SEMA3A: variants seen among roughly 807,000 people sequenced by gnomAD.
SEMA3A encodes semaphorin-3A.
Under a neutral mutation model 97.9 loss-of-function variants are expected in SEMA3A, and 29 were observed. The ratio of observed to expected loss-of-function variants is 0.30; its 90% CI spans 0.22 to 0.40. The LOEUF (loss-of-function observed/expected upper bound fraction) is 0.40. SEMA3A is among the 10% of genes least tolerant of loss of function. SEMA3A has a pLI of 1.00. For synonymous variants in SEMA3A, 321 were observed against 323.7 expected, an observed-to-expected ratio of 0.99 and a Z score of 0.09; for missense variants, 763 against 951.3, an observed-to-expected ratio of 0.80 and a Z score of 2.60.
At chr7:84,171,674 A>G (rs1008515929) in intron 1 of SEMA3A, among the ~76,000 whole-genome samples, 1 of 152,180 alleles carries the variant, frequency 6.6e-6, no homozygotes, top group Non-Finnish European at 1.5e-5. Context: ...TTCATGTAAG[A>G]TTTGTAAAAC....
intron 1 of SEMA3A, among the ~76,000 whole-genome samples, chr7:84,397,471 T>A (rs892944126): frequency 6.7e-5 from 10 of 148,314 alleles, no homozygotes; most frequent in Non-Finnish European, 1.3e-4. Flanking sequence ...ACATAATATG[T>A]ATTATATATA....
intron 3 of SEMA3A, among the ~76,000 whole-genome samples, chr7:84,279,155 T>C (rs1388476322): frequency 6.6e-6 from 1 of 152,124 alleles, no homozygotes; most frequent in Non-Finnish European, 1.5e-5. Flanking sequence ...AGTTTCAAAG[T>C]ATCTCTCTTC....
At chr7:84,205,398 G>A (rs145040761) in intron 3 of SEMA3A, among the ~76,000 whole-genome samples, 58 of 152,012 alleles carry the variant, frequency 3.8e-4, no homozygotes, top group Middle Eastern at 3.4e-3. Flanking sequence ...TTTACTTTTG[G>A]TATCATTGTT....
At chr7:84,182,703 T>A (rs574854689) in intron 1 of SEMA3A, among the ~76,000 whole-genome samples, 25 of 152,238 alleles carry the variant, frequency 1.6e-4, no homozygotes, top group African/African-American at 6.0e-4. Flanking sequence ...TAAAACTGTG[T>A]TAAGCAACAG....
chr7:84,295,918 T>C (rs1421405361), intron 3 of SEMA3A, among the ~76,000 whole-genome samples: 1 of 152,076 alleles, frequency 6.6e-6, no homozygotes, highest in African/African-American at 2.4e-5. Flanking sequence ...ACATCCACAA[T>C]TCAAAGCCAC....
At chr7:84,152,830 G>A (rs1796720065) in intron 1 of SEMA3A, among the ~76,000 whole-genome samples, 2 of 151,976 alleles carry the variant, frequency 1.3e-5, no homozygotes, top group African/African-American at 4.8e-5. Flanking sequence ...AGAGAATTAT[G>A]TAAAGCAGGC....
rs767860631 is a variant in SEMA3A, at chr7:84,159,026, T to TA, written c.113-24076dup. On this transcript the variant is annotated intron_variant, in intron 1 of 16. Transcript: ENST00000265362. ...TACGAAAGTAGTAGGCAATTAAAAA[T>TA]AAAAAAAAAAACCTTCATGTTACTT... 3.8e-3 allele frequency among the ~76,000 whole-genome samples: 548 copies of TA among 144,704 alleles called. 1 individual carries two copies. The highest frequency in any genetic ancestry group is 0.011 in the African/African-American group (430 of 39,664). 94.9% of individuals were successfully genotyped at this position (144,704 alleles called of 152,430 possible). A position where few individuals can be genotyped will look rare whatever the true frequency, so the allele number is the denominator to read the frequency against.
Position 84,051,428 on chromosome 7 carries a change from C to G in SEMA3A, c.548-4985G>C, listed in dbSNP as rs573176160. ...TTCTCCTTAAAGAGGTCCTTCACAT[C>G]CCTTGTAAGTTGGATTCCTAGGTAT... On this transcript the variant is annotated intron_variant, in intron 5 of 16. Transcript: ENST00000265362. Among the ~76,000 whole-genome samples the G allele has an allele frequency of 9.1e-4, 138 of 152,282 alleles. 1 individual carries two copies. Among genetic ancestry groups the G allele is most frequent in the African/African-American group, 3.2e-3 (133 of 41,558 alleles).
At chr7:84,180,146 A>C (rs560334442) in intron 1 of SEMA3A, among the ~76,000 whole-genome samples, 8 of 150,216 alleles carry the variant, frequency 5.3e-5, no homozygotes, top group Non-Finnish European at 1.2e-4. Context: ...GGGTTTCTCC[A>C]TATTGGTCAG....
intron 2 of SEMA3A, among the ~76,000 whole-genome samples, chr7:84,327,445 G>A (rs1337447439): frequency 6.6e-6 from 1 of 151,748 alleles, no homozygotes; most frequent in Non-Finnish European, 1.5e-5. Context: ...GTAGGCAAAG[G>A]TAGTGGGAAA....
chr7:84,279,753 A>C (rs1176628080), intron 3 of SEMA3A, among the ~76,000 whole-genome samples: 3 of 152,170 alleles, frequency 2.0e-5, no homozygotes, highest in Non-Finnish European at 2.9e-5. Flanking sequence ...TATATGTGAA[A>C]ACTTCTTGAA....
chr7:84,056,471 A>C (rs1294488872), intron 5 of SEMA3A, among the ~76,000 whole-genome samples: 1 of 152,202 alleles, frequency 6.6e-6, no homozygotes, highest in Non-Finnish European at 1.5e-5. Flanking sequence ...GAAAAGTGTG[A>C]CATGGATGTG....
intron 3 of SEMA3A, among the ~76,000 whole-genome samples, chr7:84,200,917 A>C (rs1362185027): frequency 6.6e-6 from 1 of 151,558 alleles, no homozygotes; most frequent in African/African-American, 2.4e-5. Flanking sequence ...AGTGAGGAGG[A>C]AAAAATGAGG....
chr7:84,030,886 ACTGAG>A (rs941645988), intron 6 of SEMA3A, among the ~76,000 whole-genome samples: 1 of 152,070 alleles, frequency 6.6e-6, no homozygotes, highest in Non-Finnish European at 1.5e-5. Context: ...AAGTTAATGA[ACTGAG>A]CTAAGAAAAT....
intron 1 of SEMA3A, among the ~76,000 whole-genome samples, chr7:84,402,605 T>C (rs565050009): frequency 1.3e-5 from 2 of 152,266 alleles, no homozygotes; most frequent in African/African-American, 4.8e-5. Context: ...TGTCCATCAA[T>C]GGATGTATGA....
At chr7:84,012,480 G>A (rs1163999937) in intron 7 of SEMA3A, among the ~76,000 whole-genome samples, 1 of 152,050 alleles carries the variant, frequency 6.6e-6, no homozygotes, top group African/African-American at 2.4e-5. Context: ...ACCTACATAG[G>A]CTTGTTCACA....
chr7:84,231,345 G>A (rs1799111573), intron 3 of SEMA3A, among the ~76,000 whole-genome samples: 1 of 151,956 alleles, frequency 6.6e-6, no homozygotes, highest in African/African-American at 2.4e-5. Flanking sequence ...GGGAGAAGGA[G>A]TACATGACAG....
intron 5 of SEMA3A, among the ~76,000 whole-genome samples, chr7:84,058,439 C>A (rs144822764): frequency 1.3e-5 from 2 of 151,978 alleles, no homozygotes; most frequent in African/African-American, 4.8e-5. Context: ...AAAATGCCAA[C>A]GAAAACCCAA....
At chr7:84,063,708 A>G (rs1459315321) in intron 4 of SEMA3A, among the ~76,000 whole-genome samples, 2 of 150,814 alleles carry the variant, frequency 1.3e-5, no homozygotes, top group East Asian at 4.0e-4. Context: ...GCGAGAAGGG[A>G]AGTTTAGAGA....
Sources: gnomAD v4.1 joint callset for allele counts (sites outside exome capture counted in the v4.1 genomes callset) on GRCh38, gnomAD v4.1.1 for gene constraint, MANE v1.5 for transcripts, NCBI Gene and HGNC (gene_info 2026-07-23, HGNC 2026-07-21) for gene names.